The following NCOA2 variants were observed in gnomAD, a reference collection of about 807,000 sequenced individuals.
NCOA2 encodes the protein nuclear receptor coactivator 2.
NCOA2 carries 21 observed loss-of-function variants against 145.1 expected under a neutral mutation model. That is an observed-to-expected ratio of 0.14 (90% confidence interval 0.10 to 0.21). The LOEUF is 0.21. NCOA2 is among the 10% of genes least tolerant of loss of function. The probability of loss-of-function intolerance (pLI) is 1.00; values close to 1 mark genes in which losing one functional copy is unlikely to be tolerated. For synonymous variants in NCOA2, 619 were observed against 637.5 expected (o/e 0.97, Z 0.44); for missense variants, 1,472 against 1,837.6 (o/e 0.80, Z 3.64).
intron 1 of NCOA2, among the ~76,000 whole-genome samples, chr8:70,321,752 C>G (rs1351411211): frequency 1.5e-5 from 2 of 131,328 alleles, no homozygotes; most frequent in African/African-American, 5.7e-5. Flanking sequence ...TATTTATAAA[C>G]TTGATTCTTA....
chr8:70,186,977 C>A lies in NCOA2; in HGVS notation c.260-12118G>T, dbSNP rs1816144074. 2.6e-5 allele frequency among the ~76,000 whole-genome samples: 4 copies of A among 152,254 alleles called. No homozygotes were observed. The South Asian group carries it at 6.2e-4, about 24-fold the overall frequency. On this transcript the variant is annotated intron_variant, in intron 4 of 22. Coordinates refer to ENST00000452400, the MANE Select transcript of NCOA2 (RefSeq NM_006540.4). ...AGCTTTAAATACATCTTTAAAATGACCCTTTAAATACCTTACAGCATAAAT... is the reference window on the plus strand; with the variant it reads ...AGCTTTAAATACATCTTTAAAATGAACCTTTAAATACCTTACAGCATAAAT...
At chr8:70,448,807 T>G in the NCOA2 span, among the ~76,000 whole-genome samples, 1 of 32,810 alleles carries the variant, frequency 3.0e-5, no homozygotes, top group Non-Finnish European at 5.6e-5. Flanking sequence ...TTGCCTGGCT[T>G]TTTTTTTTTT....
At chr8:70,273,419 GC>G in intron 2 of NCOA2, 1 of 761,146 alleles carries the variant, frequency 1.3e-6, no homozygotes, top group South Asian at 1.8e-5. Context: ...CAAACTGCAG[GC>G]AAAAGTGCCC....
chr8:70,356,113 A>G lies in NCOA2; in HGVS notation c.-77+47587T>C, dbSNP rs1342777168. 5.3e-5 allele frequency among the ~76,000 whole-genome samples: 8 copies of G among 152,260 alleles called. No homozygotes were observed. The East Asian group carries it at 1.4e-3, about 26-fold the overall frequency. On this transcript the variant is annotated intron_variant, in intron 1 of 22. Transcript: ENST00000452400. Reference sequence around the variant, plus strand: ...TAATAATTTTTACCTGCCATCTTAGAATTTAGAAGGACTATGGGGAGATAA... The same window carrying G: ...TAATAATTTTTACCTGCCATCTTAGGATTTAGAAGGACTATGGGGAGATAA...
chr8:70,336,199 T>A (rs1407612528), intron 1 of NCOA2, among the ~76,000 whole-genome samples: 1 of 152,162 alleles, frequency 6.6e-6, no homozygotes, highest in Non-Finnish European at 1.5e-5. Context: ...AGTAATGCAC[T>A]GGGCTAAGAC....
In NCOA2 at chr8:70,135,062, G is replaced by A. The variant is rs536722778; in HGVS notation, c.3159-3060C>T. Among the ~76,000 whole-genome samples, 9 of 152,208 alleles carry A rather than the reference G, an allele frequency of 5.9e-5. No individual in the cohort carries two copies. The South Asian group carries it at 1.0e-3, about 18-fold the overall frequency. On this transcript the variant is annotated intron_variant, in intron 15 of 22. Transcript: ENST00000452400. ...TAGGGTGGTAGTGGTGGTGGGTAACGCCTAACCTTCCCAAACTTAATGTTC... is the reference window on the plus strand; with the variant it reads ...TAGGGTGGTAGTGGTGGTGGGTAACACCTAACCTTCCCAAACTTAATGTTC...
chr8:70,211,458 A>G (rs1819015085), intron 4 of NCOA2, among the ~76,000 whole-genome samples: 1 of 151,764 alleles, frequency 6.6e-6, no homozygotes, highest in African/African-American at 2.4e-5. Context: ...GACTCCAAAA[A>G]AAAAAAGAAA....
intron 14 of NCOA2, among the ~76,000 whole-genome samples, chr8:70,139,471 C>A (rs897256698): frequency 6.6e-6 from 1 of 151,974 alleles, no homozygotes; most frequent in Non-Finnish European, 1.5e-5. Flanking sequence ...TCAAATTATA[C>A]AAATTTATGT....
At position 70,138,304 on chromosome 8, in the gene NCOA2, C is replaced by A. The variant is rs1455377983; in HGVS notation, c.3057G>T (p.Gly1019=). The stretch of plus-strand genomic sequence containing the variant: ...CTTGTTGTTGGCTATACTGAGGTCC[C>A]CCCATGTTCATCTCTAATTCAGATG... The part of the protein sequence containing the change: ...IGPSELEMNM[G]GPQYSQQQAP... The change falls in exon 15 of 23, where the codon GGG becomes GGT. Residue 1019 remains glycine (G), a synonymous_variant. Transcript: ENST00000452400. 1.9e-6 allele frequency: 3 copies of A among 1,612,306 alleles called. No homozygotes were observed. Among genetic ancestry groups the A allele is most frequent in the Non-Finnish European group, 2.5e-6 (3 of 1,179,126 alleles).
At chr8:70,321,662 A>G (rs779260511) in intron 1 of NCOA2, among the ~76,000 whole-genome samples, 5 of 152,180 alleles carry the variant, frequency 3.3e-5, no homozygotes, top group Non-Finnish European at 7.4e-5. Flanking sequence ...AAGAAGCAAA[A>G]CAGCATTCTT....
At chr8:70,334,363 T>C (rs926236101) in intron 1 of NCOA2, among the ~76,000 whole-genome samples, 3 of 152,176 alleles carry the variant, frequency 2.0e-5, no homozygotes, top group Non-Finnish European at 2.9e-5. Context: ...TCCCTGTATC[T>C]TTCTGTGTCA....
intron 2 of NCOA2, among the ~76,000 whole-genome samples, chr8:70,264,678 T>C (rs1296641768): frequency 6.6e-6 from 1 of 152,190 alleles, no homozygotes; most frequent in Non-Finnish European, 1.5e-5. Flanking sequence ...TAAGGTATCA[T>C]GAACAAAAAT....
intron 1 of NCOA2, among the ~76,000 whole-genome samples, chr8:70,363,921 G>T (rs543287584): frequency 6.6e-6 from 1 of 151,768 alleles, no homozygotes; most frequent in South Asian, 2.1e-4. Context: ...CCTCAGGAGT[G>T]TATGGGAAAC....
At chr8:70,348,448 A>G (rs1329726746) in intron 1 of NCOA2, among the ~76,000 whole-genome samples, 1 of 152,222 alleles carries the variant, frequency 6.6e-6, no homozygotes, top group Non-Finnish European at 1.5e-5. Flanking sequence ...GGGGCTAAAG[A>G]GTGGTACAAA....
At chr8:70,377,075 T>C (rs1811747612) in intron 1 of NCOA2, among the ~76,000 whole-genome samples, 1 of 149,154 alleles carries the variant, frequency 6.7e-6, no homozygotes, top group South Asian at 2.1e-4. Context: ...TTTTTTTTTT[T>C]CTATACACTA....
At chr8:70,334,656 C>T (rs769687344) in intron 1 of NCOA2, among the ~76,000 whole-genome samples, 2 of 152,142 alleles carry the variant, frequency 1.3e-5, no homozygotes, top group African/African-American at 2.4e-5. Flanking sequence ...TAACTCACAG[C>T]GCAGAGCATT....
chr8:70,393,581 T>C (rs1813396859), intron 1 of NCOA2, among the ~76,000 whole-genome samples: 1 of 150,624 alleles, frequency 6.6e-6, no homozygotes, highest in South Asian at 2.1e-4. Context: ...AGCTGAGGCC[T>C]CTCCTAGTGA....
chr8:70,450,573 CTTTT>C, the NCOA2 span, among the ~76,000 whole-genome samples: 13 of 94,630 alleles, frequency 1.4e-4, no homozygotes, highest in South Asian at 1.2e-3. Context: ...TCTTTTTATT[CTTTT>C]TTTTTTTTTT....
rs1806437604 is a variant in NCOA2 at position 70,110,401 on chromosome 8, A to AC, written c.*3230dup. The AC allele has an allele frequency of 5.1e-6, 1 of 194,540 alleles. No homozygotes were observed. Among genetic ancestry groups the AC allele is most frequent in the Non-Finnish European group, 1.1e-5 (1 of 93,612 alleles). The allele number at this position is 194,540 out of a possible 1,614,324, so 12.1% of individuals were successfully genotyped here. On this transcript the variant is annotated 3_prime_UTR_variant, in exon 23 of 23. Transcript: ENST00000452400. ...ACATAGCTTTTACCTGTAGTAAGAAACTTAAAAGATTTTGCTTTAGTCTAT... is the reference window on the plus strand; with the variant it reads ...ACATAGCTTTTACCTGTAGTAAGAAACCTTAAAAGATTTTGCTTTAGTCTAT...
Sources: allele counts gnomAD v4.1 joint callset (sites outside exome capture counted in the v4.1 genomes callset), GRCh38; gene constraint gnomAD v4.1.1; transcripts MANE v1.5; gene names NCBI Gene and HGNC (gene_info 2026-07-23, HGNC 2026-07-21).